The following LRBA variants were observed in gnomAD, a reference collection of about 807,000 sequenced individuals.
The protein encoded by LRBA is LPS responsive beige-like anchor protein, also known as lipopolysaccharide-responsive and beige-like anchor protein.
Under a neutral mutation model 330.0 loss-of-function variants are expected in LRBA, and 176 were observed. The ratio of observed to expected loss-of-function variants is 0.53; its 90% CI spans 0.47 to 0.60. LRBA has a LOEUF of 0.60. Ranked by LOEUF, LRBA falls within the 20% of genes least tolerant of loss-of-function variation. The pLI, the probability that LRBA is intolerant of heterozygous loss-of-function variation, is 0.00. For synonymous variants in LRBA, 1,230 were observed against 1,193.0 expected, an observed-to-expected ratio of 1.03 and a Z score of -0.64; for missense variants, 3,259 against 3,444.8, an observed-to-expected ratio of 0.95 and a Z score of 1.35.
chr4:150,639,773 A>G (rs1192890885), intron 37 of LRBA, among the ~76,000 whole-genome samples: 7 of 6,058 alleles, frequency 1.2e-3, no homozygotes, highest in African/African-American at 3.0e-3. Flanking sequence ...ATATATATAT[A>G]TATATATATG....
chr4:150,306,807 C>T (rs1310738126), intron 52 of LRBA, among the ~76,000 whole-genome samples: 9 of 152,112 alleles, frequency 5.9e-5, no homozygotes, highest in Non-Finnish European at 4.4e-5. Context: ...CTAGATGAGA[C>T]AACATGCTAT....
At chr4:150,601,718 G>A (rs529307525) in intron 37 of LRBA, among the ~76,000 whole-genome samples, 18 of 151,792 alleles carry the variant, frequency 1.2e-4, no homozygotes, top group East Asian at 3.9e-4. Context: ...TTGAGTTGGA[G>A]TCTCGCTCTG....
rs752621759 is a variant in LRBA, at chr4:150,350,038, T to C, written c.7316A>G (p.Glu2439Gly). ...TATTGAATTCAGATTGACAGCTCCT[T>C]CATAGGTCAAGTAATAGAACACATT... ...ALNVFYYLTY[E>G]GAVNLNSITD... The change falls in exon 48 of 57, where the codon GAA becomes GGA. Residue 2439 changes from glutamate to glycine, a missense_variant. Physicochemically the swap from Glu to Gly is moderately conservative, Grantham distance 98. Coordinates refer to ENST00000651943, the MANE Select transcript of LRBA (RefSeq NM_001364905.1). 3.1e-6 allele frequency: 5 copies of C among 1,613,954 alleles called. No individual in the cohort carries two copies. Among genetic ancestry groups the C allele is most frequent in the Non-Finnish European group, 4.2e-6 (5 of 1,179,908 alleles).
intron 47 of LRBA, among the ~76,000 whole-genome samples, chr4:150,363,036 T>A (rs1317445727): frequency 6.6e-6 from 1 of 152,096 alleles, no homozygotes; most frequent in Non-Finnish European, 1.5e-5. Context: ...GAGGCTCATG[T>A]GGGAGGATCA....
At chr4:150,611,149 G>C (rs1433117895) in intron 37 of LRBA, among the ~76,000 whole-genome samples, 1 of 152,126 alleles carries the variant, frequency 6.6e-6, no homozygotes, top group Non-Finnish European at 1.5e-5. Context: ...AAGGCTTAGG[G>C]AGGCAGGACC....
At chr4:150,625,441 T>C (rs996199929) in intron 37 of LRBA, among the ~76,000 whole-genome samples, 6 of 152,152 alleles carry the variant, frequency 3.9e-5, no homozygotes, top group African/African-American at 1.4e-4. Flanking sequence ...ATTTTTAGAA[T>C]AGCAGAAAAT....
intron 47 of LRBA, among the ~76,000 whole-genome samples, chr4:150,362,832 T>C (rs775496804): frequency 2.3e-4 from 35 of 152,170 alleles, no homozygotes; most frequent in Non-Finnish European, 4.9e-4. Flanking sequence ...CTGCATGCAG[T>C]GGCTCATGCC....
chr4:150,303,100 G>A (rs957404198), intron 52 of LRBA, among the ~76,000 whole-genome samples: 3 of 152,148 alleles, frequency 2.0e-5, no homozygotes, highest in Non-Finnish European at 4.4e-5. Flanking sequence ...CATGTTTACT[G>A]ATTAAAGCAG....
intron 53 of LRBA, among the ~76,000 whole-genome samples, chr4:150,295,357 A>T (rs1728849787): frequency 6.6e-6 from 1 of 151,924 alleles, no homozygotes; most frequent in East Asian, 1.9e-4. Flanking sequence ...CACCACACCC[A>T]GCTAATTTTT....
chr4:150,897,667 C>A, intron 15 of LRBA, 72 bp downstream of exon 15: 3 of 1,069,184 alleles, frequency 2.8e-6, no homozygotes, highest in East Asian at 2.4e-5. Context: ...ATAAAAAAAC[C>A]AAGATTGTAT....
chr4:150,919,529 C>T (rs758850536), intron 5 of LRBA, among the ~76,000 whole-genome samples: 8 of 152,004 alleles, frequency 5.3e-5, no homozygotes, highest in East Asian at 1.9e-4. Context: ...AGTAATAACA[C>T]TATTGAGACT....
Position 150,718,326 on chromosome 4 carries a change from G to A in LRBA, c.5754+16932C>T, listed in dbSNP as rs544422130. On this transcript the variant is annotated intron_variant, in intron 36 of 56. Transcript: ENST00000651943. ...AAGTCAGCTACTTTACACACAAATC[G>A]TACATTAAATAGATGACAACATCTT... 2.7e-4 allele frequency among the ~76,000 whole-genome samples: 41 copies of A among 152,152 alleles called. 1 individual carries two copies. The highest frequency in any genetic ancestry group is 2.3e-3 in the South Asian group (11 of 4,816).
intron 53 of LRBA, among the ~76,000 whole-genome samples, chr4:150,301,953 T>A (rs1253949782): frequency 6.6e-6 from 1 of 152,226 alleles, no homozygotes; most frequent in Non-Finnish European, 1.5e-5. Context: ...TTTTCCTACT[T>A]CTTAATGTGT....
At chr4:150,519,471 C>T (rs1228124399) in intron 40 of LRBA, among the ~76,000 whole-genome samples, 1 of 152,078 alleles carries the variant, frequency 6.6e-6, no homozygotes, top group Non-Finnish European at 1.5e-5. Flanking sequence ...ATCATGTATC[C>T]TTTTGTTTAT....
intron 40 of LRBA, among the ~76,000 whole-genome samples, chr4:150,508,117 C>T (rs1482074886): frequency 2.0e-5 from 3 of 149,176 alleles, no homozygotes; most frequent in Admixed American, 6.7e-5. Flanking sequence ...AGGAGATATA[C>T]CTAATGCTAA....
chr4:150,507,260 G>A (rs36187100), intron 40 of LRBA, among the ~76,000 whole-genome samples: 32,685 of 151,850 alleles, frequency 0.22, 4,368 homozygotes, highest in Non-Finnish European at 0.3. Flanking sequence ...AAAAGAGCCC[G>A]CATTGCCAAG....
At position 150,471,627 on chromosome 4, in the gene LRBA, C is replaced by T. The variant is rs754600521; in HGVS notation, c.6664G>A (p.Ala2222Thr). 24 of 1,546,268 alleles carry T rather than the reference C, an allele frequency of 1.6e-5. No homozygotes were observed. Among genetic ancestry groups the T allele is most frequent in the Non-Finnish European group, 1.9e-5 (21 of 1,130,800 alleles). ...FEYLMFLNTI[A>T]GRSYNDLNQY... ...TCAATACATGGAATTAGGTTACCTG[C>T]TATCGTGTTGAGAAACATCAAGTAC... is the stretch of plus-strand genomic sequence containing the variant. The change falls in exon 43 of 57, where the codon GCA becomes ACA. Residue 2222 changes from alanine (A) to threonine (T), a missense_variant. Ala to Thr is a moderately conservative substitution (Grantham distance 58). Coordinates refer to ENST00000651943, the MANE Select transcript of LRBA (RefSeq NM_001364905.1).
chr4:150,588,317 T>A, intron 39 of LRBA, 133 bp from the exon 40 acceptor site: 1 of 786,954 alleles, frequency 1.3e-6, no homozygotes, highest in African/African-American at 1.8e-5. Flanking sequence ...CTTCTACAGT[T>A]AAATATTCTG....
intron 28 of LRBA, among the ~76,000 whole-genome samples, chr4:150,832,304 A>G (rs1747325785): frequency 6.6e-6 from 1 of 152,196 alleles, no homozygotes; most frequent in African/African-American, 2.4e-5. Flanking sequence ...AATTATAATT[A>G]TATGAAAACA....
Sources: gnomAD v4.1 joint callset for allele counts (sites outside exome capture counted in the v4.1 genomes callset) on GRCh38, gnomAD v4.1.1 for gene constraint, MANE v1.5 for transcripts, NCBI Gene and HGNC (gene_info 2026-07-23, HGNC 2026-07-21) for gene names.